Variants in ZFP62 observed in about 807,000 individuals in gnomAD.
ZFP62 encodes zinc finger protein 62 homolog.
Under a neutral mutation model 56.4 loss-of-function variants are expected in ZFP62, and 44 were observed. That is an observed-to-expected ratio of 0.78 (90% confidence interval 0.61 to 1.00). ZFP62 has a LOEUF of 1.00. Ranked by LOEUF, ZFP62 falls within the 50% of genes least tolerant of loss-of-function variation. The pLI, the probability that ZFP62 is intolerant of heterozygous loss-of-function variation, is 0.00. For missense variants in ZFP62, 1,030 were observed against 1,085.7 expected, an observed-to-expected ratio of 0.95 and a Z score of 0.72; for synonymous variants, 421 against 388.9, an observed-to-expected ratio of 1.08 and a Z score of -0.97.
the ZFP62 span, among the ~76,000 whole-genome samples, chr5:180,837,172 T>C: frequency 6.6e-6 from 1 of 152,186 alleles, no homozygotes; most frequent in Non-Finnish European, 1.5e-5. Context: ...TTGCAAAGCA[T>C]TGGTGAGTGG....
intron 1 of ZFP62, among the ~76,000 whole-genome samples, chr5:180,859,864 T>C (rs1774211460): frequency 6.6e-6 from 1 of 152,224 alleles, no homozygotes; most frequent in Non-Finnish European, 1.5e-5. Context: ...TGTAAAAAAA[T>C]AATTTTCTAA....
intron 1 of ZFP62, among the ~76,000 whole-genome samples, chr5:180,856,673 G>A (rs566751440): frequency 6.6e-6 from 1 of 152,096 alleles, no homozygotes; most frequent in Non-Finnish European, 1.5e-5. Flanking sequence ...TGACAGAGGC[G>A]GCCGGGCATG....
the ZFP62 span, among the ~76,000 whole-genome samples, chr5:180,827,643 T>C: frequency 1.1e-4 from 16 of 152,170 alleles, no homozygotes; most frequent in Non-Finnish European, 1.6e-4. Context: ...TATGGCCTCA[T>C]GGGAAGGGAA....
At chr5:180,852,478 T>C (rs1179971137) in intron 1 of ZFP62, among the ~76,000 whole-genome samples, 1 of 147,612 alleles carries the variant, frequency 6.8e-6, no homozygotes, top group Non-Finnish European at 1.5e-5. Flanking sequence ...CACTTGAACC[T>C]GGGAGGCAGA....
chr5:180,828,266 C>T, the ZFP62 span, among the ~76,000 whole-genome samples: 14 of 152,280 alleles, frequency 9.2e-5, no homozygotes, highest in African/African-American at 2.6e-4. Context: ...GGTAAGGCTT[C>T]GATTACTAAA....
At chr5:180,837,634 G>A in the ZFP62 span, among the ~76,000 whole-genome samples, 7 of 152,254 alleles carry the variant, frequency 4.6e-5, no homozygotes, top group African/African-American at 1.4e-4. Flanking sequence ...ATGTTAATTC[G>A]GAGGCTCTGG....
Position 180,849,385 on chromosome 5 carries a change from C to T in ZFP62, c.2110G>A (p.Asp704Asn), listed in dbSNP as rs770576917. The T allele has an allele frequency of 7.1e-6, 11 of 1,551,104 alleles. No homozygotes were observed. The highest frequency in any genetic ancestry group is 9.6e-6 in the Non-Finnish European group (11 of 1,146,612). ...GAGAAAAAAGCTTTTCCACATTCAT[C>T]ACATGTATGGGGTGTCCTGCCAGGG... ...THPGRTPHTC[D>N]ECGKAFFSSR... The change falls in exon 2 of 2, where the codon GAT (aspartate) becomes AAT (asparagine). Residue 704 changes from aspartate to asparagine, a missense_variant. Coordinates refer to ENST00000502412, the MANE Select transcript of ZFP62 (RefSeq NM_001172638.2).
At chr5:180,839,978 T>TGCTTGTGGTCCCTTTCCACCA in the ZFP62 span, among the ~76,000 whole-genome samples, 2 of 152,328 alleles carry the variant, frequency 1.3e-5, no homozygotes. Context: ...AATGGGTATA[T>TGCTTGTGGTCCCTTTCCACCA]GCTTGTGGTC....
downstream of ZFP62, chr5:180,845,647 A>G (rs1334838345): frequency 1.1e-6 from 1 of 910,810 alleles, no homozygotes; most frequent in Non-Finnish European, 1.3e-6. Context: ...AAGCTGGAGA[A>G]GAGAAATGAA....
chr5:180,848,199 A>C lies in ZFP62; in HGVS notation c.*593T>G. On this transcript the variant is annotated 3_prime_UTR_variant, in exon 2 of 2. Transcript: ENST00000502412. ...TTAGACTTGTAAGTCTATGCTTTCT[A>C]CTTTTCCTAAAAGGAAATCCAAATT... 1 of 985,432 alleles carries C rather than the reference A, an allele frequency of 1.0e-6. No homozygotes were observed. The highest frequency in any genetic ancestry group is 1.2e-6 in the Non-Finnish European group (1 of 829,950). The allele number at this position is 985,432 out of a possible 1,614,324, so 61.0% of individuals were successfully genotyped here.
downstream of ZFP62, among the ~76,000 whole-genome samples, chr5:180,843,642 C>T (rs1773358786): frequency 6.6e-6 from 1 of 152,040 alleles, no homozygotes; most frequent in Non-Finnish European, 1.5e-5. Flanking sequence ...TTTGTGTGGC[C>T]TCAAATATAT....
chr5:180,847,257 T>C (rs1374365485), downstream of ZFP62, among the ~76,000 whole-genome samples: 1 of 152,230 alleles, frequency 6.6e-6, no homozygotes, highest in Non-Finnish European at 1.5e-5. Context: ...AGAGTCTATT[T>C]TTACCCTTTG....
intron 1 of ZFP62, among the ~76,000 whole-genome samples, chr5:180,854,586 A>G: frequency 6.6e-6 from 1 of 152,188 alleles, no homozygotes; most frequent in East Asian, 1.9e-4. Flanking sequence ...ATTATTTACA[A>G]GGGGGAAAAA....
intron 1 of ZFP62, among the ~76,000 whole-genome samples, chr5:180,854,064 A>G (rs1433915569): frequency 6.6e-6 from 1 of 152,202 alleles, no homozygotes; most frequent in Non-Finnish European, 1.5e-5. Flanking sequence ...AAAGCCCAAA[A>G]AACAAAACAC....
rs1773688243 is a variant in ZFP62 at position 180,851,181 on chromosome 5, G to C, written c.314C>G (p.Thr105Ser). ...HLSPQHITHQ[T>S]MPIGQRGSEQ... is the part of the protein sequence containing the mutation. ...ACTGCCTCTCTGTCCTATAGGCATAGTCTGGTGTGTGATATGCTGTGGGCT... is the reference window on the plus strand; with the variant it reads ...ACTGCCTCTCTGTCCTATAGGCATACTCTGGTGTGTGATATGCTGTGGGCT... The change falls in exon 2 of 2, where the codon ACT (threonine) becomes AGT (serine). Residue 105 changes from threonine (T) to serine (S), a missense_variant. Thr to Ser is a moderately conservative substitution (Grantham distance 58). Transcript: ENST00000502412. 3 of 1,551,686 alleles carry C rather than the reference G, an allele frequency of 1.9e-6. No individual in the cohort carries two copies. Among genetic ancestry groups the C allele is most frequent in the Non-Finnish European group, 2.6e-6 (3 of 1,146,996 alleles).
chr5:180,861,220 G>C lies in ZFP62; in HGVS notation c.-1C>G. 1 of 398,202 alleles carries C rather than the reference G, an allele frequency of 2.5e-6. No individual in the cohort carries two copies. Among genetic ancestry groups the C allele is most frequent in the Non-Finnish European group, 4.4e-6 (1 of 225,766 alleles). The allele number at this position is 398,202 out of a possible 1,614,324, so 24.7% of individuals were successfully genotyped here. On this transcript the variant is annotated splice_region_variant and 5_prime_UTR_variant, in exon 1 of 2. Transcript: ENST00000502412. Reference sequence around the variant, plus strand: ...GCGGGCGGCCGCGGACTCACGTACTGGCTGTGGCGGCGCCGCGGGAACCCG... The same window carrying C: ...GCGGGCGGCCGCGGACTCACGTACTCGCTGTGGCGGCGCCGCGGGAACCCG...
At chr5:180,841,070 GA>G in the ZFP62 span, among the ~76,000 whole-genome samples, 1 of 151,872 alleles carries the variant, frequency 6.6e-6, no homozygotes, top group Admixed American at 6.6e-5. Context: ...TTATTCAAAT[GA>G]CTTCTGAATG....
intron 1 of ZFP62, among the ~76,000 whole-genome samples, chr5:180,857,308 C>T (rs529588346): frequency 7.6e-6 from 1 of 131,716 alleles, no homozygotes; most frequent in Non-Finnish European, 1.7e-5. Flanking sequence ...GTGGGCCACA[C>T]AGAACTGCTG....
intron 1 of ZFP62, among the ~76,000 whole-genome samples, chr5:180,856,744 G>C (rs1446130640): frequency 6.6e-6 from 1 of 151,458 alleles, no homozygotes; most frequent in Non-Finnish European, 1.5e-5. Flanking sequence ...CATGAGATCA[G>C]GAGATCGAGA....
Sources: gnomAD v4.1 joint callset for allele counts (sites outside exome capture counted in the v4.1 genomes callset) on GRCh38, gnomAD v4.1.1 for gene constraint, MANE v1.5 for transcripts, NCBI Gene and HGNC (gene_info 2026-07-23, HGNC 2026-07-21) for gene names.